Variants in URAD observed in about 807,000 individuals in gnomAD.
URAD encodes the protein putative 2-oxo-4-hydroxy-4-carboxy-5-ureidoimidazoline decarboxylase.
Under a neutral mutation model 4.6 loss-of-function variants are expected in URAD, and 4 were observed. The ratio of observed to expected loss-of-function variants is 0.87; its 90% CI spans 0.43 to 1.98. The LOEUF is 1.98. Ranked by LOEUF, URAD falls within the 30% of genes most tolerant of loss-of-function variation. The pLI, the probability that URAD is intolerant of heterozygous loss-of-function variation, is 0.03. For missense variants in URAD, 300 were observed against 255.3 expected (o/e 1.18, Z -1.19); for synonymous variants, 144 against 118.2 (o/e 1.22, Z -1.41).
chr13:27,981,803 C>T (rs1474116609), intron 1 of URAD, among the ~76,000 whole-genome samples: 1 of 152,188 alleles, frequency 6.6e-6, no homozygotes. Context: ...TCTATTTCTC[C>T]ATCCCCACAC....
chr13:27,982,966 C>T (rs973925995), intron 1 of URAD, among the ~76,000 whole-genome samples: 1 of 152,206 alleles, frequency 6.6e-6, no homozygotes, highest in African/African-American at 2.4e-5. Context: ...GCAACCTCAA[C>T]TCTTACTCTT....
Position 27,978,421 on chromosome 13 carries a change from G to A in URAD, c.207C>T (p.Asp69=). Residue 69 remains aspartate, a synonymous_variant, in exon 2 of 2, where the codon GAC becomes GAT. Coordinates refer to ENST00000332715, the MANE Select transcript of URAD (RefSeq NM_001105577.2). The stretch of plus-strand genomic sequence containing the variant: ...CCCGCTGCAGCTCGCTGCCCGCCAG[G>A]TCCGGGTGGCAGCGCAGGATGCCCT... The part of the protein sequence containing the change: ...GQEGILRCHP[D]LAGSELQRGT... 1 of 1,377,398 alleles carries A rather than the reference G, an allele frequency of 7.3e-7. No homozygotes were observed. Among genetic ancestry groups the A allele is most frequent in the Non-Finnish European group, 9.3e-7 (1 of 1,072,558 alleles). The allele number at this position is 1,377,398 out of a possible 1,614,324, so 85.3% of individuals were successfully genotyped here.
intron 1 of URAD, among the ~76,000 whole-genome samples, chr13:27,984,923 G>A (rs1869980495): frequency 6.6e-6 from 1 of 152,078 alleles, no homozygotes; most frequent in African/African-American, 2.4e-5. Context: ...AGGTTGCAGT[G>A]AGCTGAGATT....
rs972217257 is a variant in URAD at position 27,978,339 on chromosome 13, C to G, written c.289G>C (p.Gly97Arg). 1 of 1,395,798 alleles carries G rather than the reference C, an allele frequency of 7.2e-7. No homozygotes were observed. Among genetic ancestry groups the G allele is most frequent in the Non-Finnish European group, 9.2e-7 (1 of 1,082,838 alleles). 86.5% of individuals were successfully genotyped at this position (1,395,798 alleles called of 1,614,324 possible). Residue 97 changes from glycine (G) to arginine (R), a missense_variant, in exon 2 of 2, where the codon GGC (glycine) becomes CGC (arginine). Gly to Arg is a moderately radical substitution (Grantham distance 125). Coordinates refer to ENST00000332715, the MANE Select transcript of URAD (RefSeq NM_001105577.2). ...EQSGAGLRSL[G>R]ADERLRLAEL... ...GCCAGCCGCAGCCGCTCGTCCGCGC[C>G]CAGGCTCCTCAGGCCTGCGCCGCTC...
chr13:27,984,070 A>G (rs1449143354), intron 1 of URAD, among the ~76,000 whole-genome samples: 2 of 151,988 alleles, frequency 1.3e-5, no homozygotes, highest in Non-Finnish European at 2.9e-5. Context: ...TTTTTGTGAC[A>G]GGGTTCTCGC....
intron 1 of URAD, among the ~76,000 whole-genome samples, chr13:27,985,449 C>T (rs542915056): frequency 6.6e-6 from 1 of 152,186 alleles, no homozygotes; most frequent in South Asian, 2.1e-4. Flanking sequence ...CAGAGTGAGC[C>T]TCTACCTCAA....
chr13:27,978,447 C>T lies in URAD; in HGVS notation c.181G>A (p.Glu61Lys). 1 of 1,339,862 alleles carries T rather than the reference C, an allele frequency of 7.5e-7. No homozygotes were observed. The allele number at this position is 1,339,862 out of a possible 1,614,324, so 83.0% of individuals were successfully genotyped here. The change falls in exon 2 of 2, where the codon GAG becomes AAG. Residue 61 changes from glutamate to lysine, a missense_variant. Transcript: ENST00000332715. Reference protein sequence around the residue: ...FIDALAQSGQEGILRCHPDLA... With the variant: ...FIDALAQSGQKGILRCHPDLA... ...TCCGGGTGGCAGCGCAGGATGCCCT[C>T]CTGGCCTGCGGAGAAGCACAGACAC...
intron 1 of URAD, among the ~76,000 whole-genome samples, chr13:27,979,268 C>T (rs1869810275): frequency 6.6e-6 from 1 of 152,192 alleles, no homozygotes; most frequent in Non-Finnish European, 1.5e-5. Flanking sequence ...ACAGCGTTTA[C>T]TTGAAGGAAA....
chr13:27,979,494 T>C (rs1349253287), intron 1 of URAD, among the ~76,000 whole-genome samples: 1 of 152,086 alleles, frequency 6.6e-6, no homozygotes, highest in Non-Finnish European at 1.5e-5. Flanking sequence ...TGCTTTAGAG[T>C]TGTGAGGATT....
At chr13:27,982,566 G>A (rs1331775553) in intron 1 of URAD, among the ~76,000 whole-genome samples, 1 of 152,158 alleles carries the variant, frequency 6.6e-6, no homozygotes, top group Non-Finnish European at 1.5e-5. Flanking sequence ...CTTACTAAGT[G>A]CCCTCAGCCA....
intron 1 of URAD, among the ~76,000 whole-genome samples, chr13:27,981,566 A>T (rs1206100863): frequency 6.6e-6 from 1 of 152,164 alleles, no homozygotes; most frequent in Non-Finnish European, 1.5e-5. Context: ...CACAGAGCAG[A>T]CACTCATTGT....
intron 1 of URAD, among the ~76,000 whole-genome samples, chr13:27,987,843 G>T (rs1177707758): frequency 1.3e-5 from 2 of 152,042 alleles, no homozygotes; most frequent in Non-Finnish European, 2.9e-5. Context: ...CCAAAGGAAA[G>T]AACTCAATAA....
In URAD at chr13:27,978,214, C is replaced by T; in HGVS notation, c.414G>A (p.Arg138=). The change falls in exon 2 of 2, where the codon CGG becomes CGA. Residue 138 remains arginine (R), a synonymous_variant. Coordinates refer to ENST00000332715, the MANE Select transcript of URAD (RefSeq NM_001105577.2). Reference sequence around the variant, plus strand: ...GCTCCTGCGCGGACGGGCAGAGCAGCCGGCGCGCCAGCTCGCGCGGCACCG... The same window carrying T: ...GCTCCTGCGCGGACGGGCAGAGCAGTCGGCGCGCCAGCTCGCGCGGCACCG... The part of the protein sequence containing the change: ...RTAVPRELAR[R]LLCPSAQELR... 3 of 1,479,994 alleles carry T rather than the reference C, an allele frequency of 2.0e-6. No homozygotes were observed. Among genetic ancestry groups the T allele is most frequent in the Non-Finnish European group, 2.7e-6 (3 of 1,126,518 alleles). The allele number at this position is 1,479,994 out of a possible 1,614,324, so 91.7% of individuals were successfully genotyped here. A position where few individuals can be genotyped will look rare whatever the true frequency, so the allele number is the denominator to read the frequency against.
At chr13:27,980,473 G>T (rs1384881195) in intron 1 of URAD, among the ~76,000 whole-genome samples, 1 of 152,212 alleles carries the variant, frequency 6.6e-6, no homozygotes, top group Non-Finnish European at 1.5e-5. Context: ...GCTCACCCAG[G>T]CCCAGGACGG....
chr13:27,978,364 C>T lies in URAD; in HGVS notation c.264G>A (p.Gln88=). ...GTLTAESQRE[Q]SGAGLRSLGA... ...CCAGGCTCCTCAGGCCTGCGCCGCT[C>T]TGTTCCCGCTGCGACTCGGCCGTGA... Residue 88 remains glutamine, a synonymous_variant, in exon 2 of 2, where the codon CAG becomes CAA. Transcript: ENST00000332715. The T allele has an allele frequency of 7.1e-7, 1 of 1,403,274 alleles. No individual in the cohort carries two copies. Among genetic ancestry groups the T allele is most frequent in the East Asian group, 3.1e-5 (1 of 32,566 alleles). 86.9% of individuals were successfully genotyped at this position (1,403,274 alleles called of 1,614,324 possible).
chr13:27,988,252 G>A (rs1006195151), intron 1 of URAD, among the ~76,000 whole-genome samples: 5 of 138,688 alleles, frequency 3.6e-5, no homozygotes, highest in East Asian at 3.0e-4. Context: ...CCACCAACAC[G>A]CCCGGCCTAA....
At chr13:27,988,256 G>T (rs1204608602) in intron 1 of URAD, among the ~76,000 whole-genome samples, 1 of 89,152 alleles carries the variant, frequency 1.1e-5, no homozygotes, top group East Asian at 1.1e-3. Context: ...CAACACGCCC[G>T]GCCTAAAAGC....
At chr13:27,988,018 G>A (rs1870086198) in intron 1 of URAD, among the ~76,000 whole-genome samples, 1 of 152,182 alleles carries the variant, frequency 6.6e-6, no homozygotes, top group African/African-American at 2.4e-5. Flanking sequence ...GAGTGCAGTG[G>A]TGAAATTTTG....
chr13:27,978,368 T>C lies in URAD; in HGVS notation c.260A>G (p.Glu87Gly). 7.1e-7 allele frequency: 1 copy of C among 1,403,560 alleles called. No individual in the cohort carries two copies. The highest frequency in any genetic ancestry group is 9.2e-7 in the Non-Finnish European group (1 of 1,085,452). The allele number at this position is 1,403,560 out of a possible 1,614,324, so 86.9% of individuals were successfully genotyped here. Residue 87 changes from glutamate (E) to glycine (G), a missense_variant, in exon 2 of 2, where the codon GAA (glutamate) becomes GGA (glycine). Physicochemically the swap from Glu to Gly is moderately conservative, Grantham distance 98 (BLOSUM62 -2). Transcript: ENST00000332715. ...GCTCCTCAGGCCTGCGCCGCTCTGT[T>C]CCCGCTGCGACTCGGCCGTGAGCGT... ...RGTLTAESQR[E>G]QSGAGLRSLG... is the part of the protein sequence containing the mutation.
Sources: allele counts gnomAD v4.1 joint callset (sites outside exome capture counted in the v4.1 genomes callset), GRCh38; gene constraint gnomAD v4.1.1; transcripts MANE v1.5; gene names NCBI Gene and HGNC (gene_info 2026-07-23, HGNC 2026-07-21).